PHC1: variants seen among roughly 807,000 people sequenced by gnomAD.
The protein encoded by PHC1 is polyhomeotic-like protein 1.
A neutral mutation model predicts 104.3 loss-of-function variants in PHC1; 12 were observed. That is an observed-to-expected ratio of 0.12 (90% confidence interval 0.07 to 0.19). The LOEUF is 0.19. PHC1 is among the 10% of genes least tolerant of loss of function. The pLI, the probability that PHC1 is intolerant of heterozygous loss-of-function variation, is 1.00. For synonymous variants in PHC1, 302 were observed against 455.8 expected (o/e 0.66, Z 4.30); for missense variants, 671 against 1,200.0 (o/e 0.56, Z 6.51).
chr12:8,929,949 C>T (rs1945633904), intron 6 of PHC1, among the ~76,000 whole-genome samples: 1 of 152,194 alleles, frequency 6.6e-6, no homozygotes, highest in African/African-American at 2.4e-5. Context: ...TCCTTGATCT[C>T]CCTAGTCTTA....
At position 8,933,330 on chromosome 12, in the gene PHC1, A is replaced by C. The variant is rs1242882865; in HGVS notation, c.1873A>C (p.Met625Leu). 6.5e-7 allele frequency: 1 copy of C among 1,542,788 alleles called. No individual in the cohort carries two copies. Among genetic ancestry groups the C allele is most frequent in the Non-Finnish European group, 8.8e-7 (1 of 1,137,112 alleles). ...AGCCCAGGTCCCTGCTGCCTTCTAT[A>C]TGCAGTCTGTGCACTTGCCGGTGAG... ...VVAQVPAAFY[M>L]QSVHLPGKPQ... Residue 625 changes from methionine to leucine, a missense_variant, in exon 8 of 15, where the codon ATG becomes CTG. Physicochemically the swap from Met to Leu is conservative, Grantham distance 15 (BLOSUM62 2). Transcript: ENST00000544916.
chr12:8,927,128 T>C (rs1240056754), intron 6 of PHC1, among the ~76,000 whole-genome samples: 2 of 152,092 alleles, frequency 1.3e-5, no homozygotes, highest in East Asian at 3.9e-4. Context: ...AAGATGTGCA[T>C]GTGTGCATGC....
intron 8 of PHC1, 35 bp from the exon 9 acceptor site, chr12:8,933,830 A>G: frequency 6.4e-7 from 1 of 1,570,670 alleles, no homozygotes. Context: ...CTTCATTTGT[A>G]CATCTTTGTT....
intron 8 of PHC1, 69 bp downstream of exon 8, chr12:8,933,419 G>A: frequency 6.9e-7 from 1 of 1,446,592 alleles, no homozygotes; most frequent in Non-Finnish European, 9.2e-7. Flanking sequence ...AGTGGAAATA[G>A]AGCTTAATTG....
At chr12:8,916,151 C>G (rs139215543) in intron 1 of PHC1, 1 of 154,418 alleles carries the variant, frequency 6.5e-6, no homozygotes, top group African/African-American at 2.4e-5. Context: ...ATGATTTTTC[C>G]TATGTACTTT....
chr12:8,936,984 CCTT>C lies in PHC1; in HGVS notation c.2477+21_2477+23del, dbSNP rs753591551. The C allele has an allele frequency of 6.5e-7, 1 of 1,548,900 alleles. No homozygotes were observed. The highest frequency in any genetic ancestry group is 1.7e-5 in the Admixed American group (1 of 59,588). On this transcript the variant is annotated intron_variant, in intron 12 of 14. Transcript: ENST00000544916. ...TAAGAGGTACTCTGGGCACCCTCCT[CCTT>C]GCCCTCAGCACTGGTATCTCCATCT... is the stretch of plus-strand genomic sequence containing the variant.
At chr12:8,924,373 G>C (rs1262333688) in intron 6 of PHC1, among the ~76,000 whole-genome samples, 2 of 152,190 alleles carry the variant, frequency 1.3e-5, no homozygotes, top group Non-Finnish European at 2.9e-5. Context: ...CCTACAGGGA[G>C]GTTGAGACAG....
At chr12:8,916,926 C>A (rs965561559) in intron 1 of PHC1, among the ~76,000 whole-genome samples, 2 of 152,132 alleles carry the variant, frequency 1.3e-5, no homozygotes, top group African/African-American at 2.4e-5. Flanking sequence ...TTATGACCTT[C>A]CATGACCCAC....
At chr12:8,915,653 A>T (rs1367927646) in intron 1 of PHC1, 1 of 150,948 alleles carries the variant, frequency 6.6e-6, no homozygotes, top group Non-Finnish European at 1.5e-5. Flanking sequence ...AATTTGGAAA[A>T]TTTTGATACC....
At chr12:8,920,704 T>C (rs1049827822) in intron 3 of PHC1, among the ~76,000 whole-genome samples, 1 of 152,062 alleles carries the variant, frequency 6.6e-6, no homozygotes. Flanking sequence ...CGAGACTCCT[T>C]CTCAAAAAAA....
At chr12:8,936,557 C>G (rs754309098) in intron 11 of PHC1, among the ~76,000 whole-genome samples, 1 of 152,146 alleles carries the variant, frequency 6.6e-6, no homozygotes, top group Non-Finnish European at 1.5e-5. Context: ...AGTAGTTCCT[C>G]TCTCCTCAGA....
At position 8,936,911 on chromosome 12, in the gene PHC1, C is replaced by T. The variant is rs199983763; in HGVS notation, c.2424C>T (p.Pro808=). The T allele has an allele frequency of 4.9e-5, 79 of 1,613,276 alleles. No homozygotes were observed. The Middle Eastern group carries it at 8.2e-4, about 17-fold the overall frequency. The part of the protein sequence containing the change: ...LKCEYCGKYA[P]AEQFRGSKRF... ...GCGAGTACTGTGGGAAGTACGCCCC[C>T]GCAGAGCAGTTTCGTGGCTCTAAGA... Residue 808 remains proline (P), a synonymous_variant, in exon 12 of 15, where the codon CCC becomes CCT. Transcript: ENST00000544916.
intron 7 of PHC1, among the ~76,000 whole-genome samples, chr12:8,932,224 G>A (rs1945706482): frequency 2.0e-5 from 3 of 152,140 alleles, no homozygotes; most frequent in Admixed American, 1.3e-4. Flanking sequence ...TAATGGAGGA[G>A]GGGCTAACCA....
Position 8,920,992 on chromosome 12 carries a change from T to C in PHC1, c.233T>C (p.Ile78Thr), listed in dbSNP as rs779296514. 56 of 1,612,076 alleles carry C rather than the reference T, an allele frequency of 3.5e-5. No homozygotes were observed. Among genetic ancestry groups the C allele is most frequent in the Non-Finnish European group, 4.4e-5 (52 of 1,179,296 alleles). The change falls in exon 4 of 15, where the codon ATT (isoleucine) becomes ACT (threonine). Residue 78 changes from isoleucine (I) to threonine (T), a missense_variant. Around this residue, in one of 9 missense-constraint regions of PHC1, gnomAD observed 237 missense variants for 331.1 expected, o/e 0.72. Coordinates refer to ENST00000544916, the MANE Select transcript of PHC1 (RefSeq NM_004426.3). The part of the protein sequence containing the change: ...HSLAAVQQAT[I>T]AASRQASSPN... ...TCCCTTCCCCTTTAATAGGCCACAA[T>C]TGCTGCCAGTCGGCAGGCCAGCTCC...
intron 8 of PHC1, 38 bp downstream of exon 8, chr12:8,933,388 C>T (rs1035350572): frequency 5.3e-6 from 8 of 1,508,376 alleles, no homozygotes; most frequent in Middle Eastern, 1.7e-4. Flanking sequence ...CACTATTATG[C>T]ATGAGAGTGG....
rs749091507 is a variant in PHC1, at chr12:8,935,180, G to A, written c.2310G>A (p.Pro770=). The A allele has an allele frequency of 1.3e-5, 20 of 1,592,386 alleles. No individual in the cohort carries two copies. The highest frequency in any genetic ancestry group is 3.3e-4 in the Middle Eastern group (2 of 6,042). ...AGAAGCCACTACAGACTGGCCTTCC[G>A]ACAGGGCTGACTGAGAATCAGTCAG... is the stretch of plus-strand genomic sequence containing the variant. ...ESEKPLQTGL[P]TGLTENQSGG... Residue 770 remains proline (P), a synonymous_variant, in exon 11 of 15, where the codon CCG becomes CCA. Transcript: ENST00000544916.
Position 8,937,455 on chromosome 12 carries a change from A to G in PHC1, c.2628+129A>G, listed in dbSNP as rs187852963. 11 of 867,332 alleles carry G rather than the reference A, an allele frequency of 1.3e-5. No individual in the cohort carries two copies. The African/African-American group carries it at 1.7e-4, about 13-fold the overall frequency. The allele number at this position is 867,332 out of a possible 1,614,324, so 53.7% of individuals were successfully genotyped here. On this transcript the variant is annotated intron_variant, in intron 13 of 14. Coordinates refer to ENST00000544916, the MANE Select transcript of PHC1 (RefSeq NM_004426.3). ...CTGGTTTCACATTGATTGCATTACT[A>G]CAAATTCCAAGAGATCCTGACCCCC...
At chr12:8,920,017 T>C in intron 3 of PHC1, 151 bp downstream of exon 3, 1 of 1,228,374 alleles carries the variant, frequency 8.1e-7, no homozygotes, top group Admixed American at 2.3e-5. Flanking sequence ...GATGGATGCA[T>C]CTTAGCTTCT....
chr12:8,924,702 AG>A (rs2137082223), intron 6 of PHC1, among the ~76,000 whole-genome samples: 1 of 152,316 alleles, frequency 6.6e-6, no homozygotes, highest in Non-Finnish European at 1.5e-5. Flanking sequence ...GTTGGAGATG[AG>A]GGGATAAATA....
Sources: gnomAD v4.1 joint callset for allele counts (sites outside exome capture counted in the v4.1 genomes callset) on GRCh38, gnomAD v4.1.1 for gene constraint, gnomAD v4.1.1 regional missense constraint, MANE v1.5 for transcripts, NCBI Gene and HGNC (gene_info 2026-07-23, HGNC 2026-07-21) for gene names.